Variants in LMNTD1 observed in about 807,000 individuals in gnomAD.
The protein encoded by LMNTD1 is lamin tail domain containing 1.
In LMNTD1, 35 loss-of-function variants were observed where a neutral mutation model predicts 50.9. The ratio of observed to expected loss-of-function variants is 0.69; its 90% CI spans 0.53 to 0.91. The LOEUF (loss-of-function observed/expected upper bound fraction) is 0.91. Among genes scored for constraint, LMNTD1 ranks in the 40% least tolerant of loss-of-function variants. The pLI is 0.00. For synonymous variants in LMNTD1, 153 were observed against 161.9 expected (o/e 0.94, Z 0.42); for missense variants, 470 against 475.5 (o/e 0.99, Z 0.11).
chr12:25,563,917 G>A (rs1252355410), intron 1 of LMNTD1, among the ~76,000 whole-genome samples: 2 of 152,178 alleles, frequency 1.3e-5, no homozygotes, highest in South Asian at 2.1e-4. Context: ...AGTGAGTGAG[G>A]CTCCGTAGGC....
chr12:25,537,006 T>G (rs1942642278), intron 4 of LMNTD1, among the ~76,000 whole-genome samples: 1 of 152,212 alleles, frequency 6.6e-6, no homozygotes. Context: ...ACCCGAATAC[T>G]GCGCTTTTCT....
intron 9 of LMNTD1, among the ~76,000 whole-genome samples, chr12:25,489,338 T>G (rs1938799200): frequency 6.6e-6 from 1 of 150,386 alleles, no homozygotes; most frequent in African/African-American, 2.4e-5. Flanking sequence ...TGGTGCGCCG[T>G]TTTTTAAGCC....
At chr12:25,477,433 G>C (rs183675141) in intron 9 of LMNTD1, among the ~76,000 whole-genome samples, 1 of 152,194 alleles carries the variant, frequency 6.6e-6, no homozygotes, top group Non-Finnish European at 1.5e-5. Flanking sequence ...CGTAGAAAGT[G>C]ACTCTTTCCC....
At chr12:25,539,500 G>A (rs1942886126) in intron 4 of LMNTD1, among the ~76,000 whole-genome samples, 1 of 151,142 alleles carries the variant, frequency 6.6e-6, no homozygotes, top group Non-Finnish European at 1.5e-5. Flanking sequence ...AATGAAGGCA[G>A]AAATAAAGGT....
At chr12:25,610,281 C>G (rs1171265734) in intron 1 of LMNTD1, among the ~76,000 whole-genome samples, 1 of 152,054 alleles carries the variant, frequency 6.6e-6, no homozygotes, top group Non-Finnish European at 1.5e-5. Flanking sequence ...ATTTCCAGGC[C>G]CCTTGTGCTT....
chr12:25,575,062 C>T (rs1944948375), intron 1 of LMNTD1, among the ~76,000 whole-genome samples: 1 of 152,078 alleles, frequency 6.6e-6, no homozygotes, highest in Admixed American at 6.6e-5. Context: ...GGCTTTTTGT[C>T]CCTGGTGAAC....
At chr12:25,534,689 G>A (rs1295041671) in intron 4 of LMNTD1, among the ~76,000 whole-genome samples, 1 of 152,152 alleles carries the variant, frequency 6.6e-6, no homozygotes, top group East Asian at 1.9e-4. Context: ...AGATTAGAAG[G>A]AACAGTACTT....
intron 8 of LMNTD1, among the ~76,000 whole-genome samples, chr12:25,506,027 A>G (rs1478571938): frequency 2.6e-5 from 4 of 152,218 alleles, no homozygotes; most frequent in Non-Finnish European, 5.9e-5. Context: ...CAAAAATCTC[A>G]AACTTGTATT....
rs117142657 is a variant in LMNTD1, at chr12:25,620,870, G to A, written c.58+27624C>T. On this transcript the variant is annotated intron_variant, in intron 1 of 7. Transcript: ENST00000445693. ...AGTGCTTTATACGCGCTCTACCATC[G>A]TTCTATCATAATCCCCACCAACACT... Among the ~76,000 whole-genome samples the A allele has an allele frequency of 5.0e-3, 761 of 152,222 alleles. 10 individuals are homozygous for A. The highest frequency in any genetic ancestry group is 0.044 in the South Asian group (210 of 4,814).
chr12:25,563,248 G>T (rs919530676), intron 1 of LMNTD1, among the ~76,000 whole-genome samples: 11 of 152,226 alleles, frequency 7.2e-5, no homozygotes, highest in Admixed American at 2.6e-4. Context: ...CAGCTTTTCT[G>T]CTCTGGTTTC....
chr12:25,603,518 A>T (rs1946024668), intron 1 of LMNTD1, among the ~76,000 whole-genome samples: 2 of 152,054 alleles, frequency 1.3e-5, no homozygotes, highest in South Asian at 4.1e-4. Flanking sequence ...TAAGTTCTAG[A>T]ACCAGATTAA....
At chr12:25,582,449 A>G (rs941153309) in intron 1 of LMNTD1, 1 of 152,196 alleles carries the variant, frequency 6.6e-6, no homozygotes, top group African/African-American at 2.4e-5. Flanking sequence ...CCAAATGGTG[A>G]TCTTGCTCAG....
rs1298520473 is a variant in LMNTD1, at chr12:25,619,266, A to C, written c.58+29228T>G. On this transcript the variant is annotated intron_variant, in intron 1 of 7. Coordinates refer to the LMNTD1 transcript ENST00000445693. Reference sequence around the variant, plus strand: ...TCTCTCTCTCTCTATATATATATATATATATATATATATGTATAGCTAACT... The same window carrying C: ...TCTCTCTCTCTCTATATATATATATCTATATATATATATGTATAGCTAACT... Among the ~76,000 whole-genome samples, 288 of 124,052 alleles carry C rather than the reference A, an allele frequency of 2.3e-3. 3 individuals carry two copies. The highest frequency in any genetic ancestry group is 9.8e-3 in the Admixed American group (127 of 12,938). The allele number at this position is 124,052 out of a possible 152,430, so 81.4% of individuals were successfully genotyped here. A position where few individuals can be genotyped will look rare whatever the true frequency, so the allele number is the denominator to read the frequency against.
At chr12:25,629,579 G>A (rs1402414119) in intron 1 of LMNTD1, among the ~76,000 whole-genome samples, 1 of 152,138 alleles carries the variant, frequency 6.6e-6, no homozygotes, top group African/African-American at 2.4e-5. Context: ...ATAATGCAGA[G>A]GTCATGCCTC....
At chr12:25,542,490 A>G (rs1424554589) in intron 4 of LMNTD1, among the ~76,000 whole-genome samples, 1 of 148,786 alleles carries the variant, frequency 6.7e-6, no homozygotes, top group Non-Finnish European at 1.5e-5. Context: ...CAAACACTGC[A>G]TATTCTCACT....
chr12:25,552,902 C>T lies in LMNTD1; in HGVS notation c.58G>A (p.Glu20Lys), dbSNP rs140305992. 172 of 1,552,412 alleles carry T rather than the reference C, an allele frequency of 1.1e-4. 1 individual carries two copies. The African/African-American group carries it at 1.9e-3, about 17-fold the overall frequency. The change falls in exon 2 of 10, where the codon GAG becomes AAG. Residue 20 changes from glutamate (E) to lysine (K), a missense_variant. By Grantham distance (56) the Glu-to-Lys change is moderately conservative. Transcript: ENST00000458174. ...ASKAMQNKVH[E>K]QEDKNEKQKQ... The stretch of plus-strand genomic sequence containing the variant: ...TGTTTCTCATTCTTATCTTCCTGCT[C>T]ATGGACTTTATTCTGCATTGCCTTC...
chr12:25,502,492 G>T (rs1241525246), intron 9 of LMNTD1, among the ~76,000 whole-genome samples: 1 of 152,156 alleles, frequency 6.6e-6, no homozygotes, highest in Non-Finnish European at 1.5e-5. Context: ...AGCCAAATCT[G>T]AATTCTTGGC....
At chr12:25,551,642 T>G (rs1385810878) in intron 2 of LMNTD1, among the ~76,000 whole-genome samples, 1 of 152,186 alleles carries the variant, frequency 6.6e-6, no homozygotes, top group Admixed American at 6.5e-5. Flanking sequence ...TTCTTTTGCC[T>G]TGGCCTCCCA....
At chr12:25,597,342 A>G (rs113147905) in intron 1 of LMNTD1, among the ~76,000 whole-genome samples, 5,923 of 152,204 alleles carry the variant, frequency 0.039, 401 homozygotes, top group African/African-American at 0.13. Context: ...CCAAGAGAAG[A>G]GCAGGCAGAG....
Sources: allele counts gnomAD v4.1 joint callset (sites outside exome capture counted in the v4.1 genomes callset), GRCh38; gene constraint gnomAD v4.1.1; transcripts MANE v1.5; gene names NCBI Gene and HGNC (gene_info 2026-07-23, HGNC 2026-07-21).